Variants in KAT14 observed in about 807,000 individuals in gnomAD.
KAT14 encodes the protein lysine acetyltransferase 14.
Under a neutral mutation model 78.4 loss-of-function variants are expected in KAT14, and 66 were observed. The observed-to-expected ratio is 0.84, with a 90% CI of 0.69 to 1.03. The LOEUF (loss-of-function observed/expected upper bound fraction) is 1.03. Among genes scored for constraint, KAT14 ranks in the 50% least tolerant of loss-of-function variants. KAT14 has a pLI of 0.00. For synonymous variants in KAT14, 344 were observed against 359.4 expected (o/e 0.96, Z 0.48); for missense variants, 870 against 972.5 (o/e 0.89, Z 1.40).
At chr20:18,174,917 G>A (rs776538810) in intron 7 of KAT14, among the ~76,000 whole-genome samples, 50 of 151,978 alleles carry the variant, frequency 3.3e-4, no homozygotes, top group Non-Finnish European at 6.8e-4. Flanking sequence ...CACCCACCTC[G>A]GCCTCCCAGA....
intron 7 of KAT14, among the ~76,000 whole-genome samples, chr20:18,163,352 GAAA>G (rs2038518698): frequency 6.6e-6 from 1 of 152,174 alleles, no homozygotes; most frequent in Admixed American, 6.5e-5. Context: ...ACAACATGAA[GAAA>G]TAGCAGCCAA....
rs1457771914 is a variant in KAT14, at chr20:18,174,161, T to TA, written c.1669-7548dup. ...TGTAACATATATTAGTATTCCTAAA[T>TA]ATGGCTTAATATTCCATTGTATGGA... On this transcript the variant is annotated intron_variant, in intron 7 of 10. Transcript: ENST00000688188. 3.9e-5 allele frequency among the ~76,000 whole-genome samples: 6 copies of TA among 152,264 alleles called. No homozygotes were observed. The South Asian group carries it at 6.2e-4, about 16-fold the overall frequency.
intron 4 of KAT14, among the ~76,000 whole-genome samples, chr20:18,154,144 C>A (rs1472301645): frequency 6.6e-6 from 1 of 152,184 alleles, no homozygotes; most frequent in Non-Finnish European, 1.5e-5. Flanking sequence ...GAAACCACTA[C>A]CCCTGGGTAG....
At chr20:18,187,144 A>G (rs2039474428) in intron 10 of KAT14, 142 bp from the exon 11 acceptor site, 1 of 995,206 alleles carries the variant, frequency 1.0e-6, no homozygotes, top group Non-Finnish European at 1.4e-6. Flanking sequence ...AGCTGTTGCT[A>G]GGTGTTGCAA....
At chr20:18,176,527 T>G (rs1192850329) in intron 7 of KAT14, among the ~76,000 whole-genome samples, 1 of 152,064 alleles carries the variant, frequency 6.6e-6, no homozygotes, top group Non-Finnish European at 1.5e-5. Context: ...GGAGCACTGC[T>G]CTATGGGGGT....
At chr20:18,172,646 G>C (rs1312704039) in intron 7 of KAT14, among the ~76,000 whole-genome samples, 1 of 152,142 alleles carries the variant, frequency 6.6e-6, no homozygotes, top group African/African-American at 2.4e-5. Context: ...TTATTGCAGT[G>C]GTCTGGCACT....
rs1418728877 is a variant in KAT14 at position 18,138,036 on chromosome 20, GC to G, written c.-468del. 1.3e-6 allele frequency: 2 copies of G among 1,492,054 alleles called. No individual in the cohort carries two copies. The highest frequency in any genetic ancestry group is 8.9e-7 in the Non-Finnish European group (1 of 1,127,530). The allele number at this position is 1,492,054 out of a possible 1,614,324, so 92.4% of individuals were successfully genotyped here. A position where few individuals can be genotyped will look rare whatever the true frequency, so the allele number is the denominator to read the frequency against. ...CAGTGGCCGGCGTACATGTGAAGCA[GC>G]AGTGGGACCAGCAGGTCGGTGTCAC... On this transcript the variant is annotated 5_prime_UTR_variant, in exon 1 of 11. The change creates a premature stop within an existing upstream ORF in the 5' untranslated region. Coordinates refer to ENST00000688188, the MANE Select transcript of KAT14 (RefSeq NM_001392073.1).
intron 5 of KAT14, among the ~76,000 whole-genome samples, 179 bp from the exon 6 acceptor site, chr20:18,161,644 G>A (rs141923427): frequency 7.2e-5 from 11 of 152,156 alleles, no homozygotes; most frequent in South Asian, 2.1e-4. Context: ...CTGACATAAC[G>A]CTCAAAGGAA....
chr20:18,174,406 G>C (rs1017167305), intron 7 of KAT14, among the ~76,000 whole-genome samples: 3 of 152,048 alleles, frequency 2.0e-5, no homozygotes, highest in Non-Finnish European at 4.4e-5. Context: ...CTTCCAAAGT[G>C]GCTGTGCCGT....
chr20:18,139,227 A>G (rs2037426056), intron 1 of KAT14, among the ~76,000 whole-genome samples: 2 of 152,200 alleles, frequency 1.3e-5, no homozygotes, highest in African/African-American at 4.8e-5. Context: ...TTGGGATTAA[A>G]ATGTGCTCCT....
rs529091787 is a variant in KAT14 at position 18,147,092 on chromosome 20, A to T, written c.378+1741A>T. Among the ~76,000 whole-genome samples the T allele has an allele frequency of 2.4e-3, 365 of 152,350 alleles. 2 individuals are homozygous for T. Among genetic ancestry groups the T allele is most frequent in the Non-Finnish European group, 3.9e-3 (262 of 68,030 alleles). ...GAAATAGAGTAATGAGAAAGATTTTAAATTACACCATTTTAGCCACTTATG... is the reference window on the plus strand; with the variant it reads ...GAAATAGAGTAATGAGAAAGATTTTTAATTACACCATTTTAGCCACTTATG... On this transcript the variant is annotated intron_variant, in intron 3 of 10. Transcript: ENST00000688188.
At chr20:18,179,273 C>T (rs896379826) in intron 7 of KAT14, among the ~76,000 whole-genome samples, 7 of 152,294 alleles carry the variant, frequency 4.6e-5, no homozygotes, top group Non-Finnish European at 5.9e-5. Flanking sequence ...GTCTGAAGGA[C>T]GGTGGCCCTC....
intron 4 of KAT14, among the ~76,000 whole-genome samples, chr20:18,158,158 A>T (rs963187053): frequency 5.9e-5 from 9 of 151,644 alleles, no homozygotes; most frequent in African/African-American, 2.2e-4. Context: ...CTGGTCTCGA[A>T]CTCCTGACCT....
At chr20:18,144,174 A>C (rs2037727669) in intron 2 of KAT14, among the ~76,000 whole-genome samples, 2 of 152,226 alleles carry the variant, frequency 1.3e-5, no homozygotes, top group Admixed American at 1.3e-4. Context: ...TTCAACTTCA[A>C]ATTTAGTCAC....
chr20:18,147,434 G>A (rs1293673595), intron 3 of KAT14, among the ~76,000 whole-genome samples: 3 of 152,172 alleles, frequency 2.0e-5, no homozygotes, highest in African/African-American at 7.2e-5. Flanking sequence ...CATAAAAGCT[G>A]TAAAATGGAA....
At chr20:18,156,685 C>T (rs760263882) in intron 4 of KAT14, among the ~76,000 whole-genome samples, 4 of 152,164 alleles carry the variant, frequency 2.6e-5, no homozygotes, top group Non-Finnish European at 4.4e-5. Flanking sequence ...TTATGCCTCT[C>T]CCCTAGCTTC....
At chr20:18,172,284 T>C (rs1430248639) in intron 7 of KAT14, among the ~76,000 whole-genome samples, 4 of 151,798 alleles carry the variant, frequency 2.6e-5, no homozygotes, top group Non-Finnish European at 4.4e-5. Context: ...GTATTTTTAG[T>C]AGAGATGGGA....
Position 18,137,925 on chromosome 20 carries a change from G to A in KAT14, c.-580G>A, listed in dbSNP as rs1568660203. The A allele has an allele frequency of 2.0e-6, 3 of 1,474,076 alleles. No homozygotes were observed. The highest frequency in any genetic ancestry group is 2.6e-5 in the South Asian group (2 of 77,780). The allele number at this position is 1,474,076 out of a possible 1,614,324, so 91.3% of individuals were successfully genotyped here. On this transcript the variant is annotated 5_prime_UTR_variant, in exon 1 of 11. Transcript: ENST00000688188. ...GCGGCCTCTGCGCCTCGGGCGGGCG[G>A]GAGAGAGAGGCCGCGGCCGCCAGCG...
At chr20:18,169,542 A>G (rs2038775232) in intron 7 of KAT14, among the ~76,000 whole-genome samples, 1 of 152,144 alleles carries the variant, frequency 6.6e-6, no homozygotes, top group South Asian at 2.1e-4. Context: ...GAGACAATGA[A>G]CTTAATTGGT....
Sources: allele counts gnomAD v4.1 joint callset (sites outside exome capture counted in the v4.1 genomes callset), GRCh38; gene constraint gnomAD v4.1.1; transcripts MANE v1.5; gene names NCBI Gene and HGNC (gene_info 2026-07-23, HGNC 2026-07-21).